CFAP20DC: variants seen among roughly 807,000 people sequenced by gnomAD.
CFAP20DC encodes CFAP20 domain containing.
A neutral mutation model predicts 101.7 loss-of-function variants in CFAP20DC; 84 were observed. That is an observed-to-expected ratio of 0.83 (90% confidence interval 0.69 to 0.99). The LOEUF (loss-of-function observed/expected upper bound fraction) is 0.99, where lower values mean the gene tolerates loss of function less well. CFAP20DC is among the 50% of genes least tolerant of loss of function. The pLI is 0.00. For synonymous variants in CFAP20DC, 359 were observed against 351.2 expected (o/e 1.02, Z -0.25); for missense variants, 1,007 against 970.3 (o/e 1.04, Z -0.50).
intron 5 of CFAP20DC, among the ~76,000 whole-genome samples, chr3:58,932,038 G>A (rs567683195): frequency 3.9e-5 from 6 of 152,252 alleles, no homozygotes; most frequent in African/African-American, 9.6e-5. Flanking sequence ...AAATTTAGAC[G>A]AATGTATAAC....
intron 3 of CFAP20DC, among the ~76,000 whole-genome samples, chr3:59,041,716 T>C (rs1009740530): frequency 6.6e-6 from 1 of 152,130 alleles, no homozygotes; most frequent in Admixed American, 6.5e-5. Context: ...CTACCTACTT[T>C]TTTTCTCCCA....
At chr3:58,809,051 C>A (rs1216659774) in intron 14 of CFAP20DC, among the ~76,000 whole-genome samples, 4 of 151,884 alleles carry the variant, frequency 2.6e-5, no homozygotes, top group Admixed American at 6.6e-5. Flanking sequence ...ACAGGAGCAC[C>A]CAGATTCATA....
intron 5 of CFAP20DC, among the ~76,000 whole-genome samples, chr3:58,929,903 G>A (rs1400187153): frequency 6.6e-6 from 1 of 152,010 alleles, no homozygotes; most frequent in Non-Finnish European, 1.5e-5. Context: ...GTTCTCCCTT[G>A]TTGGAACCTC....
rs1387773527 is a variant in CFAP20DC, at chr3:58,889,845, G to A, written c.551-5136C>T. Among the ~76,000 whole-genome samples the A allele has an allele frequency of 1.1e-4, 14 of 125,596 alleles. 1 individual carries two copies. The highest frequency in any genetic ancestry group is 1.7e-5 in the Non-Finnish European group (1 of 59,822). 82.4% of individuals were successfully genotyped at this position (125,596 alleles called of 152,430 possible). ...TTAACCCTGAGTGGACACAGCACATGTTTCAGAGAGCACAGGGTTGGGGGT... is the reference window on the plus strand; with the variant it reads ...TTAACCCTGAGTGGACACAGCACATATTTCAGAGAGCACAGGGTTGGGGGT... On this transcript the variant is annotated intron_variant, in intron 6 of 16. Coordinates refer to ENST00000482387, the MANE Select transcript of CFAP20DC (RefSeq NM_001394063.1).
At chr3:58,946,256 A>G (rs2089345929) in intron 4 of CFAP20DC, among the ~76,000 whole-genome samples, 1 of 151,532 alleles carries the variant, frequency 6.6e-6, no homozygotes, top group Non-Finnish European at 1.5e-5. Flanking sequence ...AGCTGGGACT[A>G]CAGGCATGTG....
chr3:58,737,165 G>A, downstream of CFAP20DC: 1 of 456,502 alleles, frequency 2.2e-6, no homozygotes, highest in Non-Finnish European at 4.4e-6. The surrounding 1 kb of genome is among the most constrained non-coding windows in gnomAD (Gnocchi z 4.1). Flanking sequence ...CCTTGTTTTG[G>A]ATGAAAAGTG....
rs746563018 is a variant in CFAP20DC, at chr3:58,866,517, T to G, written c.1258+49A>C. ...GACTGGATTTGAAATATTTACCATA[T>G]TTACATTTTATTCATTATTAACAGA... On this transcript the variant is annotated intron_variant, in intron 11 of 16. Coordinates refer to ENST00000482387, the MANE Select transcript of CFAP20DC (RefSeq NM_001394063.1). The G allele has an allele frequency of 2.1e-5, 31 of 1,451,590 alleles. No individual in the cohort carries two copies. In the South Asian group the frequency reaches 4.2e-4, roughly 20 times the overall value. 89.9% of individuals were successfully genotyped at this position (1,451,590 alleles called of 1,614,324 possible). A position where few individuals can be genotyped will look rare whatever the true frequency, so the allele number is the denominator to read the frequency against.
rs1334814512 is a variant in CFAP20DC, at chr3:58,845,506, T to A, written c.1971+3526A>T. Among the ~76,000 whole-genome samples, 344 of 150,244 alleles carry A rather than the reference T, an allele frequency of 2.3e-3. 4 individuals carry two copies. The highest frequency in any genetic ancestry group is 4.0e-3 in the Non-Finnish European group (265 of 66,754). Reference sequence around the variant, plus strand: ...AATAGACCAATAACAGGAGCTGAAATTGTGGCAATAATCAATAGCTTACCA... The same window carrying A: ...AATAGACCAATAACAGGAGCTGAAAATGTGGCAATAATCAATAGCTTACCA... On this transcript the variant is annotated intron_variant, in intron 13 of 16. Transcript: ENST00000482387.
intron 4 of CFAP20DC, among the ~76,000 whole-genome samples, chr3:59,029,396 G>A (rs969847744): frequency 2.6e-5 from 4 of 152,184 alleles, no homozygotes; most frequent in African/African-American, 4.8e-5. Context: ...TTCAGTTGGC[G>A]GAAAATCATA....
At chr3:59,039,751 C>A (rs1576808689) in intron 3 of CFAP20DC, 122 bp from the exon 4 acceptor site, 2 of 538,616 alleles carry the variant, frequency 3.7e-6, no homozygotes, top group East Asian at 6.6e-5. Flanking sequence ...CATAGAACTG[C>A]AAATAGCACT....
intron 5 of CFAP20DC, among the ~76,000 whole-genome samples, chr3:58,930,759 C>T (rs2086532278): frequency 6.6e-6 from 1 of 152,104 alleles, no homozygotes; most frequent in Non-Finnish European, 1.5e-5. Context: ...ATAAAGTTTT[C>T]TTTTAAATTA....
intron 11 of CFAP20DC, among the ~76,000 whole-genome samples, chr3:58,865,406 T>C (rs1164848495): frequency 1.3e-5 from 2 of 152,212 alleles, no homozygotes; most frequent in Non-Finnish European, 2.9e-5. Flanking sequence ...GGGTGATCAA[T>C]GTATACTTCC....
intron 13 of CFAP20DC, among the ~76,000 whole-genome samples, chr3:58,841,861 T>G (rs768509016): frequency 6.6e-6 from 1 of 152,212 alleles, no homozygotes; most frequent in Non-Finnish European, 1.5e-5. Flanking sequence ...ATAAAGTCTG[T>G]TATATAAGTC....
chr3:58,900,390 G>T (rs2083048415), intron 6 of CFAP20DC, among the ~76,000 whole-genome samples: 1 of 152,140 alleles, frequency 6.6e-6, no homozygotes, highest in Non-Finnish European at 1.5e-5. Context: ...TCTTTGTTCA[G>T]CTATATCCTG....
At chr3:58,790,405 C>T (rs920171010) in intron 15 of CFAP20DC, among the ~76,000 whole-genome samples, 1 of 152,200 alleles carries the variant, frequency 6.6e-6, no homozygotes, top group African/African-American at 2.4e-5. Flanking sequence ...TAAATGGGAA[C>T]AGGCATTCCT....
chr3:58,742,446 C>A lies in CFAP20DC; in HGVS notation c.*14G>T. The A allele has an allele frequency of 6.3e-7, 1 of 1,584,242 alleles. No homozygotes were observed. Among genetic ancestry groups the A allele is most frequent in the South Asian group, 1.2e-5 (1 of 84,932 alleles). On this transcript the variant is annotated 3_prime_UTR_variant, in exon 17 of 17. Coordinates refer to ENST00000482387, the MANE Select transcript of CFAP20DC (RefSeq NM_001394063.1). ...CCAGCTGGGAGTGCCTGCTCTCTGC[C>A]CCGGAAGGAGGCATTATACCAACTC...
Position 58,859,858 on chromosome 3 carries a change from TGTAA to T in CFAP20DC, c.1593+3696_1593+3699del, listed in dbSNP as rs1451004444. On this transcript the variant is annotated intron_variant, in intron 12 of 16. Transcript: ENST00000482387. The surrounding 1 kb of genome is among the most constrained non-coding windows in gnomAD (Gnocchi z 4.1). ...TAAATATTCCTTTCCACCGTGTGTA[TGTAA>T]GTGTGTGTGAGAAAGCAATTAAAAA... Among the ~76,000 whole-genome samples the T allele has an allele frequency of 1.3e-5, 2 of 152,080 alleles. No homozygotes were observed. The highest frequency in any genetic ancestry group is 4.8e-5 in the African/African-American group (2 of 41,404).
chr3:58,734,426 A>C (rs1046355836), intron 3 of CFAP20DC: 3 of 401,948 alleles, frequency 7.5e-6, no homozygotes, highest in Non-Finnish European at 1.5e-5. Flanking sequence ...TGACAGGCCT[A>C]GGCTTAAATA....
intron 12 of CFAP20DC, among the ~76,000 whole-genome samples, chr3:58,853,408 A>C: frequency 6.6e-6 from 1 of 152,200 alleles, no homozygotes; most frequent in Non-Finnish European, 1.5e-5. Flanking sequence ...CAGAGGTACA[A>C]GGAAGAACTG....
Sources: allele counts gnomAD v4.1 joint callset (sites outside exome capture counted in the v4.1 genomes callset), GRCh38; gene constraint gnomAD v4.1.1; non-coding constraint Gnocchi (gnomAD v3.1); transcripts MANE v1.5; gene names NCBI Gene and HGNC (gene_info 2026-07-23, HGNC 2026-07-21).